Variants in ARPP21 observed in about 807,000 individuals in gnomAD.
The protein encoded by ARPP21 is cAMP-regulated phosphoprotein 21.
A neutral mutation model predicts 113.2 loss-of-function variants in ARPP21; 69 were observed. The ratio of observed to expected loss-of-function variants is 0.61; its 90% CI spans 0.50 to 0.74. The LOEUF (loss-of-function observed/expected upper bound fraction) is 0.74. Among genes scored for constraint, ARPP21 ranks in the 30% least tolerant of loss-of-function variants. The pLI is 0.00. For synonymous variants in ARPP21, 368 were observed against 375.5 expected (o/e 0.98, Z 0.23); for missense variants, 1,070 against 1,037.4 (o/e 1.03, Z -0.43).
chr3:35,666,583 A>G (rs1400394604), intron 1 of ARPP21, among the ~76,000 whole-genome samples: 1 of 152,148 alleles, frequency 6.6e-6, no homozygotes. Flanking sequence ...TGTCTTTGAC[A>G]TTAATTTCAA....
intron 9 of ARPP21, among the ~76,000 whole-genome samples, chr3:35,693,230 A>C (rs938404667): frequency 6.6e-6 from 1 of 151,642 alleles, no homozygotes; most frequent in Non-Finnish European, 1.5e-5. Context: ...CCCTTTCGTG[A>C]GTCAAAGCAA....
At chr3:35,672,737 T>C (rs182717675) in intron 1 of ARPP21, among the ~76,000 whole-genome samples, 2 of 152,198 alleles carry the variant, frequency 1.3e-5, no homozygotes, top group East Asian at 3.9e-4. Flanking sequence ...TGTTAAAGAA[T>C]GATTCATCTG....
chr3:35,748,285 A>G (rs956719377), intron 19 of ARPP21, among the ~76,000 whole-genome samples: 1 of 143,508 alleles, frequency 7.0e-6, no homozygotes, highest in Non-Finnish European at 1.5e-5. Context: ...AAAGAAAAGG[A>G]GGAAGGAAGG....
intron 9 of ARPP21, among the ~76,000 whole-genome samples, chr3:35,697,328 T>C (rs1256287368): frequency 6.6e-6 from 1 of 151,536 alleles, no homozygotes; most frequent in African/African-American, 2.4e-5. Context: ...CAGGCATTGG[T>C]TTGAGGCTAT....
chr3:35,644,877 G>T (rs536674333), intron 1 of ARPP21, among the ~76,000 whole-genome samples: 10 of 151,924 alleles, frequency 6.6e-5, no homozygotes. Context: ...CCAAAGAAAT[G>T]TCTTTTGGCA....
In ARPP21 at chr3:35,734,442, G is replaced by A. The variant is rs2094205330; in HGVS notation, c.1460-2736G>A. ...CTACGTGATAGGAAAACAAGTGCCT[G>A]GAAAATGAAGAACATAGAAAAAAGA... On this transcript the variant is annotated intron_variant, in intron 15 of 20. Coordinates refer to ENST00000684406, the MANE Select transcript of ARPP21 (RefSeq NM_001385562.1). Among the ~76,000 whole-genome samples, 4 of 152,110 alleles carry A rather than the reference G, an allele frequency of 2.6e-5. No homozygotes were observed. The South Asian group carries it at 6.2e-4, about 24-fold the overall frequency.
In ARPP21 at chr3:35,729,533, A is replaced by G; in HGVS notation, c.1456A>G (p.Thr486Ala). The G allele has an allele frequency of 6.2e-7, 1 of 1,612,700 alleles. No individual in the cohort carries two copies. The highest frequency in any genetic ancestry group is 8.5e-7 in the Non-Finnish European group (1 of 1,178,694). ...PPGSILLNPH[T>A]GQPFVNPDGT... ...TGGAAGCATCCTTCTTAATCCACAC[A>G]CAGGTGAGTTACTACCTGCTTTATC... Residue 486 changes from threonine to alanine, a missense_variant, in exon 15 of 21, where the codon ACA (threonine) becomes GCA (alanine). Coordinates refer to ENST00000684406, the MANE Select transcript of ARPP21 (RefSeq NM_001385562.1).
intron 1 of ARPP21, among the ~76,000 whole-genome samples, chr3:35,658,869 A>G (rs1023835297): frequency 4.6e-5 from 7 of 152,076 alleles, no homozygotes; most frequent in South Asian, 2.1e-4. Flanking sequence ...AGTGCAGGCC[A>G]ATCTTCTGCA....
intron 19 of ARPP21, chr3:35,792,174 C>T (rs1205208767): frequency 1.8e-6 from 1 of 558,602 alleles, no homozygotes; most frequent in Non-Finnish European, 3.2e-6. Context: ...ATAGAAATGT[C>T]AGTGAATTTT....
rs761468574 is a variant in ARPP21, at chr3:35,793,902, A to G, written c.2488A>G (p.Ser830Gly). 52 of 1,614,016 alleles carry G rather than the reference A, an allele frequency of 3.2e-5. No homozygotes were observed. Among genetic ancestry groups the G allele is most frequent in the Middle Eastern group, 3.3e-4 (2 of 6,084 alleles). ...CAGCACTGTCCCAGTGATGTCAGCT[A>G]GCTGCAGAACAAACTGTGCAAGTAT... Reference protein sequence around the residue: ...PSSTVPVMSASCRTNCASMSN... With the variant: ...PSSTVPVMSAGCRTNCASMSN... The change falls in exon 21 of 21, where the codon AGC (serine) becomes GGC (glycine). Residue 830 changes from serine to glycine, a missense_variant. Physicochemically the swap from Ser to Gly is moderately conservative, Grantham distance 56 (BLOSUM62 0). Transcript: ENST00000684406.
chr3:35,708,100 C>G (rs149921174), intron 10 of ARPP21, among the ~76,000 whole-genome samples: 1 of 151,882 alleles, frequency 6.6e-6, no homozygotes, highest in Non-Finnish European at 1.5e-5. Context: ...ATTTGTATCT[C>G]GTTTCCTCCC....
Position 35,743,671 on chromosome 3 carries a change from T to C in ARPP21, c.2011-168T>C, listed in dbSNP as rs376344331. Among the ~76,000 whole-genome samples, 6 of 152,370 alleles carry C rather than the reference T, an allele frequency of 3.9e-5. No homozygotes were observed. In the East Asian group the frequency reaches 7.7e-4, roughly 20 times the overall value. ...AGATTTAAGTTTGGGAAATGGATTT[T>C]GCCTCTTTACGGGAGAAGTAGCATG... On this transcript the variant is annotated intron_variant, in intron 18 of 20. Coordinates refer to ENST00000684406, the MANE Select transcript of ARPP21 (RefSeq NM_001385562.1).
At chr3:35,653,893 C>G (rs1322285205) in intron 1 of ARPP21, among the ~76,000 whole-genome samples, 1 of 151,882 alleles carries the variant, frequency 6.6e-6, no homozygotes, top group African/African-American at 2.4e-5. Flanking sequence ...TTGTATCAGT[C>G]CATGAATAAC....
chr3:35,725,244 A>T (rs1364693591), intron 14 of ARPP21, among the ~76,000 whole-genome samples: 1 of 152,126 alleles, frequency 6.6e-6, no homozygotes, highest in African/African-American at 2.4e-5. Context: ...TTTCATGATG[A>T]TTAGATTTCA....
chr3:35,778,895 C>T (rs144634561), intron 19 of ARPP21, among the ~76,000 whole-genome samples: 7 of 152,318 alleles, frequency 4.6e-5, no homozygotes, highest in African/African-American at 1.7e-4. Flanking sequence ...AAGGAGACTG[C>T]TTGCTTTCCT....
intron 3 of ARPP21, chr3:35,682,531 T>A (rs2079221788): frequency 3.6e-6 from 1 of 280,858 alleles, no homozygotes; most frequent in Non-Finnish European, 6.6e-6. Context: ...TGTTAACTCT[T>A]TATATACCAA....
At chr3:35,741,739 G>A (rs1318887725) in intron 18 of ARPP21, among the ~76,000 whole-genome samples, 2 of 151,950 alleles carry the variant, frequency 1.3e-5, no homozygotes, top group Admixed American at 1.3e-4. Context: ...TCTGAGCTTT[G>A]GGGCTATTCT....
chr3:35,793,591 C>T, intron 20 of ARPP21, 110 bp from the exon 21 acceptor site: 1 of 734,036 alleles, frequency 1.4e-6, no homozygotes, highest in South Asian at 1.7e-5. Flanking sequence ...GAATTGATGA[C>T]CTGTTAGGTC....
chr3:35,669,208 C>T (rs1235325034), intron 1 of ARPP21, among the ~76,000 whole-genome samples: 1 of 152,004 alleles, frequency 6.6e-6, no homozygotes, highest in Non-Finnish European at 1.5e-5. Flanking sequence ...ATTTCTCCCA[C>T]TACATAAGAT....
Sources: gnomAD v4.1 joint callset for allele counts (sites outside exome capture counted in the v4.1 genomes callset) on GRCh38, gnomAD v4.1.1 for gene constraint, MANE v1.5 for transcripts, NCBI Gene and HGNC (gene_info 2026-07-23, HGNC 2026-07-21) for gene names.